Variants in ROBO2 observed in about 807,000 individuals in gnomAD.
ROBO2 encodes the protein roundabout homolog 2.
ROBO2 carries 53 observed loss-of-function variants against 160.8 expected under a neutral mutation model. That is an observed-to-expected ratio of 0.33 (90% CI 0.26 to 0.41). The LOEUF (loss-of-function observed/expected upper bound fraction) is 0.41. ROBO2 is among the 10% of genes least tolerant of loss of function. ROBO2 has a pLI of 1.00. For missense variants in ROBO2, 1,577 were observed against 1,722.4 expected, an observed-to-expected ratio of 0.92 and a Z score of 1.49; for synonymous variants, 664 against 611.7, an observed-to-expected ratio of 1.09 and a Z score of -1.26.
intron 2 of ROBO2, among the ~76,000 whole-genome samples, chr3:76,963,859 GA>G (rs927599248): frequency 2.8e-5 from 4 of 142,754 alleles, no homozygotes; most frequent in Non-Finnish European, 6.1e-5. Context: ...AGAAAAAAAA[GA>G]AAAAAGAAAT....
intron 2 of ROBO2, among the ~76,000 whole-genome samples, chr3:75,939,958 C>T (rs74780696): frequency 7.9e-4 from 120 of 151,966 alleles, no homozygotes; most frequent in African/African-American, 2.1e-3. Flanking sequence ...TATTGTGACC[C>T]GCAATGTCCA....
In ROBO2 at chr3:76,430,464, GTT is replaced by G. The variant is rs146951755; in HGVS notation, c.109+492868_109+492869del. ...CTTATCCCTTTTCCACAATCCTTGTGTTTTTTTAATCAGAAGCCTATTTTTAT... is the reference window on the plus strand; with the variant it reads ...CTTATCCCTTTTCCACAATCCTTGTGTTTTTAATCAGAAGCCTATTTTTAT... On this transcript the variant is annotated intron_variant, in intron 2 of 26. Transcript: ENST00000487694. 8.7e-3 allele frequency among the ~76,000 whole-genome samples: 1,322 copies of G among 151,754 alleles called. 34 individuals are homozygous for G. The highest frequency in any genetic ancestry group is 0.058 in the South Asian group (278 of 4,804).
rs887793201 is a variant in ROBO2 at position 76,870,977 on chromosome 3, C to T, written c.110-227037C>T. The stretch of plus-strand genomic sequence containing the variant: ...TAGACATTTTTATATAACAGATTTA[C>T]GCCATCAAGCTATTTAGCCCTCTGC... On this transcript the variant is annotated intron_variant, in intron 2 of 26. Transcript: ENST00000487694. 4.5e-4 allele frequency among the ~76,000 whole-genome samples: 68 copies of T among 152,106 alleles called. 1 individual carries two copies. Among genetic ancestry groups the T allele is most frequent in the East Asian group, 1.9e-4 (1 of 5,184 alleles).
At chr3:76,823,929 A>C (rs776734135) in intron 2 of ROBO2, among the ~76,000 whole-genome samples, 1 of 152,210 alleles carries the variant, frequency 6.6e-6, no homozygotes, top group Non-Finnish European at 1.5e-5. Context: ...TAATAAAAAC[A>C]CACAAAATGA....
chr3:76,450,299 A>G (rs1264977247), intron 2 of ROBO2, among the ~76,000 whole-genome samples: 1 of 152,230 alleles, frequency 6.6e-6, no homozygotes, highest in African/African-American at 2.4e-5. Flanking sequence ...GATGTTTAAG[A>G]TAATTCTCAC....
intron 2 of ROBO2, among the ~76,000 whole-genome samples, chr3:77,266,098 A>G (rs985246225): frequency 2.6e-5 from 4 of 152,152 alleles, no homozygotes; most frequent in African/African-American, 4.8e-5. Context: ...TGAGGTTTCA[A>G]TCAGTTTTTC....
intron 2 of ROBO2, among the ~76,000 whole-genome samples, chr3:76,194,778 C>T (rs1266045931): frequency 6.6e-6 from 1 of 152,072 alleles, no homozygotes; most frequent in East Asian, 1.9e-4. Flanking sequence ...CGCCACCACG[C>T]CCAGCTAACT....
At chr3:77,295,955 A>C (rs928569748) in intron 2 of ROBO2, among the ~76,000 whole-genome samples, 2 of 112,606 alleles carry the variant, frequency 1.8e-5, no homozygotes, top group East Asian at 2.6e-4. Context: ...TAAACGGGTA[A>C]GCTGAGGCTA....
chr3:77,112,005 C>T lies in ROBO2; in HGVS notation c.388+13665C>T, dbSNP rs1256640826. 3.3e-5 allele frequency among the ~76,000 whole-genome samples: 5 copies of T among 151,770 alleles called. No homozygotes were observed. In the South Asian group the frequency reaches 8.3e-4, roughly 25 times the overall value. Reference sequence around the variant, plus strand: ...GGTGGGCGGGTCGCTTGAGCCCAGGCGTTCAAGACCAGCCTGGGCAGCACG... The same window carrying T: ...GGTGGGCGGGTCGCTTGAGCCCAGGTGTTCAAGACCAGCCTGGGCAGCACG... On this transcript the variant is annotated intron_variant, in intron 2 of 25. Transcript: ENST00000461745.
intron 2 of ROBO2, among the ~76,000 whole-genome samples, chr3:76,972,595 G>C (rs1280011534): frequency 2.6e-5 from 4 of 151,998 alleles, no homozygotes. Flanking sequence ...TGGTGGCTCA[G>C]ACCTGTAATC....
intron 6 of ROBO2, among the ~76,000 whole-genome samples, chr3:77,528,063 G>T (rs2091333474): frequency 6.6e-6 from 1 of 151,528 alleles, no homozygotes; most frequent in South Asian, 2.1e-4. Flanking sequence ...TTAACAGCTT[G>T]CTTTTGCAGA....
chr3:77,480,239 T>C (rs147397463), intron 3 of ROBO2, among the ~76,000 whole-genome samples: 308 of 152,244 alleles, frequency 2.0e-3, no homozygotes, highest in Non-Finnish European at 3.3e-3. Flanking sequence ...CAACATGTTC[T>C]TATCTTGTAT....
At chr3:76,538,251 C>A (rs1391231580) in intron 2 of ROBO2, among the ~76,000 whole-genome samples, 1 of 151,980 alleles carries the variant, frequency 6.6e-6, no homozygotes, top group Non-Finnish European at 1.5e-5. Flanking sequence ...TCTGGTTTAA[C>A]TGTGTACAAA....
chr3:76,127,406 G>A (rs1445275482), intron 2 of ROBO2, among the ~76,000 whole-genome samples: 1 of 151,802 alleles, frequency 6.6e-6, no homozygotes, highest in Admixed American at 6.6e-5. Context: ...TCACCAAATG[G>A]CATCACTGAA....
At position 77,252,471 on chromosome 3, in the gene ROBO2, G is replaced by T. The variant is rs148071069; in HGVS notation, c.388+154131G>T. ...ATGAATCAATTCATTCCTTTTAAATGACACTTGATGCATTTGAAAGAGCAT... is the reference window on the plus strand; with the variant it reads ...ATGAATCAATTCATTCCTTTTAAATTACACTTGATGCATTTGAAAGAGCAT... On this transcript the variant is annotated intron_variant, in intron 2 of 25. Coordinates refer to ENST00000461745, the Ensembl canonical transcript of ROBO2. Among the ~76,000 whole-genome samples, 47 of 152,108 alleles carry T rather than the reference G, an allele frequency of 3.1e-4. No individual in the cohort carries two copies. In the East Asian group the frequency reaches 8.1e-3, roughly 26 times the overall value.
intron 2 of ROBO2, among the ~76,000 whole-genome samples, chr3:77,439,548 T>TA (rs1270458014): frequency 2.6e-5 from 4 of 152,132 alleles, no homozygotes; most frequent in African/African-American, 4.8e-5. Context: ...AATAAATACT[T>TA]ACGTTGTTCA....
At chr3:77,144,551 G>A (rs2076972181) in intron 2 of ROBO2, among the ~76,000 whole-genome samples, 1 of 152,174 alleles carries the variant, frequency 6.6e-6, no homozygotes, top group African/African-American at 2.4e-5. Flanking sequence ...ATAGGCATAT[G>A]TACATAGTTT....
At chr3:76,074,504 GAGT>G (rs2068579082) in intron 2 of ROBO2, among the ~76,000 whole-genome samples, 1 of 152,152 alleles carries the variant, frequency 6.6e-6, no homozygotes, top group African/African-American at 2.4e-5. Context: ...CTTCTTAGAG[GAGT>G]AAGAAATGGG....
intron 2 of ROBO2, among the ~76,000 whole-genome samples, chr3:76,949,385 T>G (rs9309755): frequency 0.49 from 74,466 of 151,974 alleles, 19,266 homozygotes; most frequent in African/African-American, 0.67. Context: ...TTTATTTATC[T>G]TCTTGACTTA....
Sources: allele counts gnomAD v4.1 joint callset (sites outside exome capture counted in the v4.1 genomes callset), GRCh38; gene constraint gnomAD v4.1.1; transcripts MANE v1.5; gene names NCBI Gene and HGNC (gene_info 2026-07-23, HGNC 2026-07-21).